The following ZSCAN25 variants were observed in gnomAD, a reference collection of about 807,000 sequenced individuals.
The protein encoded by ZSCAN25 is zinc finger and SCAN domain containing 25.
A neutral mutation model predicts 38.7 loss-of-function variants in ZSCAN25; 27 were observed. That is an observed-to-expected ratio of 0.70 (90% CI 0.51 to 0.96). ZSCAN25 has a LOEUF of 0.96. ZSCAN25 is among the 40% of genes least tolerant of loss of function. The pLI, the probability that ZSCAN25 is intolerant of heterozygous loss-of-function variation, is 0.00. For synonymous variants in ZSCAN25, 273 were observed against 277.7 expected (o/e 0.98, Z 0.17); for missense variants, 637 against 705.9 (o/e 0.90, Z 1.11).
chr7:99,715,615 G>A, the ZSCAN25 span: 2 of 1,410,848 alleles, frequency 1.4e-6, no homozygotes, highest in South Asian at 2.4e-5. Flanking sequence ...GTTTACAATG[G>A]TGATGGTCGT....
the ZSCAN25 span, chr7:99,666,901 C>A: frequency 6.2e-7 from 1 of 1,605,610 alleles, no homozygotes; most frequent in Non-Finnish European, 8.5e-7. Flanking sequence ...TTCTACCTGT[C>A]CCCAGATTCA....
the ZSCAN25 span, chr7:99,731,272 AAAAT>A: frequency 9.0e-7 from 1 of 1,107,456 alleles, no homozygotes; most frequent in African/African-American, 1.6e-5. Context: ...AAGGCAATAA[AAAAT>A]AACAGTAACT....
the ZSCAN25 span, among the ~76,000 whole-genome samples, chr7:99,719,535 G>A: frequency 2.6e-5 from 4 of 152,036 alleles, no homozygotes; most frequent in Non-Finnish European, 5.9e-5. Context: ...TAGAAAAATT[G>A]GCAATATAGG....
At chr7:99,689,274 A>G in the ZSCAN25 span, among the ~76,000 whole-genome samples, 1 of 152,350 alleles carries the variant, frequency 6.6e-6, no homozygotes, top group East Asian at 1.9e-4. Context: ...CGCTAGCAAG[A>G]CTAATAAAGA....
chr7:99,705,438 G>T, the ZSCAN25 span: 1 of 1,554,406 alleles, frequency 6.4e-7, no homozygotes, highest in Non-Finnish European at 8.9e-7. Context: ...AAAGTAATTT[G>T]AGGTCTCTGG....
In ZSCAN25 at chr7:99,622,425, A is replaced by T. The variant is rs376272832; in HGVS notation, c.590-124A>T. The T allele has an allele frequency of 8.8e-5, 78 of 883,406 alleles. 5 individuals carry two copies. The highest frequency in any genetic ancestry group is 1.9e-4 in the Admixed American group (11 of 57,046). The allele number at this position is 883,406 out of a possible 1,614,324, so 54.7% of individuals were successfully genotyped here. A position where few individuals can be genotyped will look rare whatever the true frequency, so the allele number is the denominator to read the frequency against. The stretch of plus-strand genomic sequence containing the variant: ...AAGTGTGGTACCAGAGTGAAAAGGG[A>T]TTCTGTCTGGAGTCTTCTGGTTCCT... On this transcript the variant is annotated intron_variant, in intron 5 of 7. Transcript: ENST00000394152.
the ZSCAN25 span, among the ~76,000 whole-genome samples, chr7:99,709,894 GA>G: frequency 2.6e-5 from 4 of 152,068 alleles, no homozygotes; most frequent in East Asian, 7.7e-4. Flanking sequence ...ATAATTTGAG[GA>G]AAAACTAGTC....
the ZSCAN25 span, chr7:99,652,532 C>G: frequency 3.2e-6 from 5 of 1,565,360 alleles, no homozygotes; most frequent in Admixed American, 8.7e-5. Context: ...GGGTGAGCTC[C>G]ATTTCCCTGG....
At chr7:99,716,094 G>C in the ZSCAN25 span, among the ~76,000 whole-genome samples, 3 of 152,176 alleles carry the variant, frequency 2.0e-5, no homozygotes, top group Non-Finnish European at 4.4e-5. Context: ...TGACACAGCT[G>C]GCTCTCCGCT....
the ZSCAN25 span, chr7:99,663,781 A>C: frequency 1.6e-6 from 2 of 1,263,010 alleles, no homozygotes; most frequent in Non-Finnish European, 2.0e-6. Flanking sequence ...TTTAAATGCT[A>C]TCTCTCTGAC....
the ZSCAN25 span, among the ~76,000 whole-genome samples, chr7:99,680,769 GA>G: frequency 6.6e-6 from 1 of 152,172 alleles, no homozygotes; most frequent in Admixed American, 6.5e-5. Flanking sequence ...TTCTGCAAAG[GA>G]AAATAATAGA....
At chr7:99,680,371 C>T in the ZSCAN25 span, among the ~76,000 whole-genome samples, 1 of 152,140 alleles carries the variant, frequency 6.6e-6, no homozygotes, top group Non-Finnish European at 1.5e-5. Flanking sequence ...CTTCCAAGCC[C>T]AGCCAGACAG....
chr7:99,638,649 C>G, the ZSCAN25 span: 1 of 1,581,344 alleles, frequency 6.3e-7, no homozygotes, highest in Non-Finnish European at 8.7e-7. Context: ...GAATTGTGGT[C>G]ACCGACTGGC....
downstream of ZSCAN25, among the ~76,000 whole-genome samples, chr7:99,633,433 G>C (rs1808138611): frequency 1.3e-5 from 2 of 152,210 alleles, no homozygotes; most frequent in South Asian, 4.1e-4. Flanking sequence ...CTTAGATATA[G>C]TTCATACAGG....
the ZSCAN25 span, among the ~76,000 whole-genome samples, chr7:99,722,091 A>G: frequency 6.6e-6 from 1 of 152,204 alleles, no homozygotes; most frequent in Non-Finnish European, 1.5e-5. Context: ...CTGAATTTGC[A>G]CATAGCTTAT....
chr7:99,666,951 C>A, the ZSCAN25 span: 13 of 1,613,116 alleles, frequency 8.1e-6, no homozygotes, highest in East Asian at 2.9e-4. Context: ...TATTTTCATA[C>A]CTCCTTGAGT....
At chr7:99,689,000 TG>T in the ZSCAN25 span, among the ~76,000 whole-genome samples, 6 of 152,300 alleles carry the variant, frequency 3.9e-5, no homozygotes, top group Admixed American at 1.3e-4. Context: ...CCAGAATCTC[TG>T]GGACACATTC....
chr7:99,627,653 A>G (rs1178639070), intron 7 of ZSCAN25, among the ~76,000 whole-genome samples: 1 of 151,890 alleles, frequency 6.6e-6, no homozygotes. Context: ...TTGGTATAGT[A>G]TATATGTATA....
chr7:99,679,381 C>A, the ZSCAN25 span, among the ~76,000 whole-genome samples: 1 of 152,098 alleles, frequency 6.6e-6, no homozygotes, highest in Non-Finnish European at 1.5e-5. Flanking sequence ...AGCTACACAT[C>A]CCTTCCAGCA....
Sources: gnomAD v4.1 joint callset for allele counts (sites outside exome capture counted in the v4.1 genomes callset) on GRCh38, gnomAD v4.1.1 for gene constraint, MANE v1.5 for transcripts, NCBI Gene and HGNC (gene_info 2026-07-23, HGNC 2026-07-21) for gene names.